Variants in CLIC6 observed in about 807,000 individuals in gnomAD.
The protein encoded by CLIC6 is chloride intracellular channel protein 6.
Under a neutral mutation model 49.2 loss-of-function variants are expected in CLIC6, and 39 were observed. That is an observed-to-expected ratio of 0.79 (90% CI 0.61 to 1.04). CLIC6 has a LOEUF of 1.04. CLIC6 is among the 50% of genes least tolerant of loss of function. CLIC6 has a pLI of 0.00. For synonymous variants in CLIC6, 446 were observed against 433.4 expected, an observed-to-expected ratio of 1.03 and a Z score of -0.36; for missense variants, 988 against 993.1, an observed-to-expected ratio of 0.99 and a Z score of 0.07.
At chr21:34,712,084 G>A (rs1373925797) in intron 5 of CLIC6, among the ~76,000 whole-genome samples, 1 of 152,140 alleles carries the variant, frequency 6.6e-6, no homozygotes, top group Non-Finnish European at 1.5e-5. Context: ...TTAAATTTCA[G>A]TAGAAAGGGT....
chr21:34,702,542 C>T (rs924207502), intron 1 of CLIC6, among the ~76,000 whole-genome samples: 4 of 152,218 alleles, frequency 2.6e-5, no homozygotes, highest in East Asian at 1.9e-4. Context: ...AACCCCCTAG[C>T]GTCAGTTGTA....
At chr21:34,709,753 C>G (rs907007084) in intron 5 of CLIC6, among the ~76,000 whole-genome samples, 6 of 152,228 alleles carry the variant, frequency 3.9e-5, no homozygotes, top group Admixed American at 1.3e-4. Context: ...AACATGGCCC[C>G]ACCTTCTGCT....
At chr21:34,691,268 A>G (rs998177912) in intron 1 of CLIC6, among the ~76,000 whole-genome samples, 1 of 152,230 alleles carries the variant, frequency 6.6e-6, no homozygotes. Flanking sequence ...TAACAGTTAA[A>G]ACTGGAGAAG....
intron 1 of CLIC6, among the ~76,000 whole-genome samples, chr21:34,689,696 G>A (rs7275340): frequency 0.4 from 60,623 of 151,576 alleles, 13,656 homozygotes; most frequent in African/African-American, 0.62. Context: ...CCCAGTGCAG[G>A]CTGGAATACA....
chr21:34,698,367 G>C (rs1990126604), intron 1 of CLIC6, among the ~76,000 whole-genome samples: 1 of 151,692 alleles, frequency 6.6e-6, no homozygotes, highest in Non-Finnish European at 1.5e-5. Context: ...AAGGAAGGAA[G>C]GAAGGACAGA....
At chr21:34,710,122 A>T (rs947295238) in intron 5 of CLIC6, among the ~76,000 whole-genome samples, 8 of 151,896 alleles carry the variant, frequency 5.3e-5, no homozygotes, top group African/African-American at 7.3e-5. Flanking sequence ...AAAATAAAAA[A>T]AAAAAATTAG....
At chr21:34,676,079 G>T (rs1393631571) in intron 1 of CLIC6, among the ~76,000 whole-genome samples, 1 of 152,200 alleles carries the variant, frequency 6.6e-6, no homozygotes, top group East Asian at 1.9e-4. Flanking sequence ...CTCACATGGG[G>T]TTTCCTTTGT....
At chr21:34,691,961 T>C (rs545391654) in intron 1 of CLIC6, among the ~76,000 whole-genome samples, 10 of 152,368 alleles carry the variant, frequency 6.6e-5, no homozygotes, top group African/African-American at 2.4e-4. Flanking sequence ...TTTAGGTTGC[T>C]ATTTTTTTCA....
intron 1 of CLIC6, among the ~76,000 whole-genome samples, chr21:34,675,289 CATACCACAGGGCTGGGCA>C (rs1441865466): frequency 6.6e-6 from 1 of 150,988 alleles, no homozygotes; most frequent in Admixed American, 6.6e-5. Flanking sequence ...CAAGCATTGC[CATACCACAGGGCTGGGCA>C]AGAATGAGCC....
At chr21:34,693,965 T>C (rs1272448098) in intron 1 of CLIC6, among the ~76,000 whole-genome samples, 2 of 147,818 alleles carry the variant, frequency 1.4e-5, no homozygotes, top group Non-Finnish European at 3.0e-5. Context: ...GTTGTTGTTG[T>C]TGTTGTTTTC....
chr21:34,716,429 G>A lies in CLIC6; in HGVS notation c.2008G>A (p.Ala670Thr). ...AGATGAGTTCACAAATACGTGTCCAGCTGATCAAGAGATTGAACACGCATA... is the reference window on the plus strand; with the variant it reads ...AGATGAGTTCACAAATACGTGTCCAACTGATCAAGAGATTGAACACGCATA... ...ARDEFTNTCP[A>T]DQEIEHAYSD... The change falls in exon 6 of 6, where the codon GCT (alanine) becomes ACT (threonine). Residue 670 changes from alanine to threonine, a missense_variant. By Grantham distance (58) the Ala-to-Thr change is moderately conservative. This residue lies in a region of CLIC6 where 647 missense variants were observed against 596.9 expected (regional missense o/e 1.08). Coordinates refer to ENST00000349499, the MANE Select transcript of CLIC6 (RefSeq NM_053277.3). The A allele has an allele frequency of 6.2e-7, 1 of 1,613,978 alleles. No individual in the cohort carries two copies. The highest frequency in any genetic ancestry group is 1.3e-5 in the African/African-American group (1 of 75,052).
At chr21:34,675,157 A>G (rs1989637597) in intron 1 of CLIC6, among the ~76,000 whole-genome samples, 1 of 152,092 alleles carries the variant, frequency 6.6e-6, no homozygotes, top group South Asian at 2.1e-4. Context: ...GGGTTCTCCA[A>G]AGAGGTGAAA....
chr21:34,692,380 A>G (rs1274285606), intron 1 of CLIC6, among the ~76,000 whole-genome samples: 2 of 152,160 alleles, frequency 1.3e-5, no homozygotes, highest in Non-Finnish European at 2.9e-5. Flanking sequence ...TGTGATTCAG[A>G]CTTTCATGAA....
intron 1 of CLIC6, among the ~76,000 whole-genome samples, chr21:34,671,204 G>A (rs76893469): frequency 0.031 from 4,609 of 150,698 alleles, 235 homozygotes; most frequent in African/African-American, 0.11. Flanking sequence ...GCCAAAGGAA[G>A]CTTTAATACT....
At chr21:34,691,563 A>G (rs1051055917) in intron 1 of CLIC6, among the ~76,000 whole-genome samples, 12 of 151,700 alleles carry the variant, frequency 7.9e-5, no homozygotes, top group African/African-American at 2.9e-4. Context: ...AAAAAAAAAA[A>G]GGGAGTGTCG....
At chr21:34,691,476 G>T (rs914339964) in intron 1 of CLIC6, among the ~76,000 whole-genome samples, 3 of 151,894 alleles carry the variant, frequency 2.0e-5, no homozygotes, top group Admixed American at 6.6e-5. Flanking sequence ...ATGTCAGGCT[G>T]GCTTAAGTGT....
At position 34,673,303 on chromosome 21, in the gene CLIC6, T is replaced by A. The variant is rs185565067; in HGVS notation, c.1374+2541T>A. On this transcript the variant is annotated intron_variant, in intron 1 of 5. Coordinates refer to ENST00000349499, the MANE Select transcript of CLIC6 (RefSeq NM_053277.3). ...TTGGTTAACTTTTTTATTTTTTTTT[T>A]AATTGAGACAGGTTCTTGCTCTGTC... Among the ~76,000 whole-genome samples, 708 of 152,168 alleles carry A rather than the reference T, an allele frequency of 4.7e-3. 7 individuals carry two copies. Among genetic ancestry groups the A allele is most frequent in the Middle Eastern group, 0.034 (10 of 294 alleles).
At chr21:34,699,737 C>G (rs1990153765) in intron 1 of CLIC6, among the ~76,000 whole-genome samples, 1 of 152,106 alleles carries the variant, frequency 6.6e-6, no homozygotes, top group African/African-American at 2.4e-5. Context: ...ATCAAGGACA[C>G]AGATACACGT....
intron 5 of CLIC6, among the ~76,000 whole-genome samples, chr21:34,712,819 C>A (rs923866093): frequency 1.3e-5 from 2 of 152,218 alleles, no homozygotes; most frequent in African/African-American, 4.8e-5. Context: ...GGCCTTCTGC[C>A]TAATCTGTGA....
Sources: allele counts gnomAD v4.1 joint callset (sites outside exome capture counted in the v4.1 genomes callset), GRCh38; gene constraint gnomAD v4.1.1; regional missense constraint gnomAD v4.1.1; transcripts MANE v1.5; gene names NCBI Gene and HGNC (gene_info 2026-07-23, HGNC 2026-07-21).